LIMCH1: variants seen among roughly 807,000 people sequenced by gnomAD.
LIMCH1 encodes LIM and calponin homology domains 1.
A neutral mutation model predicts 176.5 loss-of-function variants in LIMCH1; 113 were observed. The observed-to-expected ratio is 0.64, with a 90% CI of 0.55 to 0.75. The LOEUF is 0.75. Among genes scored for constraint, LIMCH1 ranks in the 30% least tolerant of loss-of-function variants. The pLI is 0.00. For synonymous variants in LIMCH1, 619 were observed against 645.9 expected (o/e 0.96, Z 0.63); for missense variants, 1,674 against 1,814.9 (o/e 0.92, Z 1.41).
rs569611739 is a variant in LIMCH1 at position 41,392,648 on chromosome 4, T to G, written c.96+31712T>G. ...TACATTATGAGAGGCATGTGGGAAC[T>G]CCACCTGATTGAAGGGGCAGTCTTC... On this transcript the variant is annotated intron_variant, in intron 1 of 26. Transcript: ENST00000313860. Among the ~76,000 whole-genome samples, 15 of 152,318 alleles carry G rather than the reference T, an allele frequency of 9.8e-5. No individual in the cohort carries two copies. The South Asian group carries it at 1.5e-3, about 15-fold the overall frequency.
intron 1 of LIMCH1, among the ~76,000 whole-genome samples, chr4:41,587,611 C>T (rs184586948): frequency 3.5e-4 from 54 of 152,262 alleles, no homozygotes; most frequent in Admixed American, 3.5e-3. Flanking sequence ...AGTGGGTCAG[C>T]TGCATCCCCA....
intron 1 of LIMCH1, among the ~76,000 whole-genome samples, chr4:41,549,130 C>T (rs963063153): frequency 2.0e-5 from 3 of 151,972 alleles, no homozygotes; most frequent in Non-Finnish European, 4.4e-5. Context: ...ACTCCAGCAA[C>T]CATCCTGCCT....
rs2093403461 is a variant in LIMCH1, at chr4:41,632,948, A to G, written c.1721-29A>G. 3 of 1,531,794 alleles carry G rather than the reference A, an allele frequency of 2.0e-6. No individual in the cohort carries two copies. In the African/African-American group the frequency reaches 4.1e-5, roughly 21 times the overall value. 94.9% of individuals were successfully genotyped at this position (1,531,794 alleles called of 1,614,324 possible). A position where few individuals can be genotyped will look rare whatever the true frequency, so the allele number is the denominator to read the frequency against. On this transcript the variant is annotated intron_variant, in intron 11 of 31. Transcript: ENST00000503057. ...GAGCCTCTGGTGTGAATTCTTTCCT[A>G]GGAGTGAAACTGTCCTCTCTGGCTT...
intron 1 of LIMCH1, among the ~76,000 whole-genome samples, chr4:41,584,337 G>A (rs923534458): frequency 6.6e-6 from 1 of 152,164 alleles, no homozygotes; most frequent in African/African-American, 2.4e-5. Flanking sequence ...TAGATGATGA[G>A]CCACAACCAG....
At chr4:41,494,433 T>TTA (rs1583100634) in intron 1 of LIMCH1, 1 of 721,054 alleles carries the variant, frequency 1.4e-6, no homozygotes, top group Non-Finnish European at 2.4e-6. Flanking sequence ...ACATACATAG[T>TTA]TATATATATG....
At chr4:41,456,061 G>T (rs772222389) in intron 1 of LIMCH1, among the ~76,000 whole-genome samples, 1 of 152,026 alleles carries the variant, frequency 6.6e-6, no homozygotes, top group Non-Finnish European at 1.5e-5. Context: ...GTTTTTGCCT[G>T]CATGAGTTCT....
intron 1 of LIMCH1, among the ~76,000 whole-genome samples, chr4:41,377,390 C>G (rs927142113): frequency 1.3e-5 from 2 of 152,200 alleles, no homozygotes; most frequent in African/African-American, 4.8e-5. Flanking sequence ...ACTGCAAAAA[C>G]AAGTGATATG....
rs1731464639 is a variant in LIMCH1 at position 41,697,414 on chromosome 4, A to G, written c.*229A>G. 2.0e-6 allele frequency: 1 copy of G among 494,948 alleles called. No homozygotes were observed. 30.7% of individuals were successfully genotyped at this position (494,948 alleles called of 1,614,324 possible). On this transcript the variant is annotated 3_prime_UTR_variant, in exon 32 of 32. Coordinates refer to ENST00000503057, the MANE Select transcript of LIMCH1 (RefSeq NM_001330672.2). ...ATTTGCACAGTATACACAAAAGAAT[A>G]TGGGGTTGTAATGATCCTGAATAGC...
chr4:41,656,053 G>C (rs112377656), intron 18 of LIMCH1, among the ~76,000 whole-genome samples: 2,116 of 152,258 alleles, frequency 0.014, 33 homozygotes, highest in African/African-American at 0.036. Context: ...CCCTCATTGA[G>C]CAAGGGCCAA....
chr4:41,679,935 T>C, intron 23 of LIMCH1, 71 bp from the exon 24 acceptor site: 1 of 958,294 alleles, frequency 1.0e-6, no homozygotes, highest in Non-Finnish European at 1.6e-6. Context: ...TACATGGTGG[T>C]TTAGGGGGGA....
At chr4:41,541,934 C>T (rs185220335) in intron 1 of LIMCH1, among the ~76,000 whole-genome samples, 4 of 152,302 alleles carry the variant, frequency 2.6e-5, no homozygotes, top group Admixed American at 6.5e-5. Flanking sequence ...CTTGAAAAGT[C>T]GCTCTGGTTT....
intron 3 of LIMCH1, among the ~76,000 whole-genome samples, chr4:41,525,245 C>T (rs576780761): frequency 6.6e-5 from 10 of 152,244 alleles, no homozygotes; most frequent in South Asian, 2.1e-4. Flanking sequence ...TGCACACGCG[C>T]GCGCACACAC....
At chr4:41,510,099 T>A (rs2074688167) in intron 2 of LIMCH1, among the ~76,000 whole-genome samples, 1 of 152,200 alleles carries the variant, frequency 6.6e-6, no homozygotes, top group Non-Finnish European at 1.5e-5. Context: ...AGAAATGTGT[T>A]TGAAACTTAT....
At chr4:41,486,559 G>A (rs2069572535) in intron 1 of LIMCH1, among the ~76,000 whole-genome samples, 1 of 152,190 alleles carries the variant, frequency 6.6e-6, no homozygotes, top group South Asian at 2.1e-4. Context: ...ATGTTGCTGA[G>A]AGGGGTAGTT....
intron 1 of LIMCH1, among the ~76,000 whole-genome samples, chr4:41,403,538 G>A (rs1489331061): frequency 1.3e-5 from 2 of 152,228 alleles, no homozygotes; most frequent in African/African-American, 4.8e-5. Context: ...CTGAGATTGT[G>A]CCACTGCACT....
intron 1 of LIMCH1, among the ~76,000 whole-genome samples, chr4:41,558,019 G>A (rs374228443): frequency 5.3e-5 from 8 of 151,986 alleles, no homozygotes; most frequent in African/African-American, 1.7e-4. Flanking sequence ...GTGGCCACAC[G>A]TGTCAGCCTG....
chr4:41,548,767 A>T (rs1415074187), intron 1 of LIMCH1, among the ~76,000 whole-genome samples: 1 of 151,946 alleles, frequency 6.6e-6, no homozygotes, highest in African/African-American at 2.4e-5. Flanking sequence ...CTTTTTGGAG[A>T]AGAGTCGTGA....
rs930897344 is a variant in LIMCH1 at position 41,674,181 on chromosome 4, C to T, written c.3439-2201C>T. Among the ~76,000 whole-genome samples, 9 of 152,230 alleles carry T rather than the reference C, an allele frequency of 5.9e-5. No homozygotes were observed. In the South Asian group the frequency reaches 1.9e-3, roughly 32 times the overall value. ...ATATTCTGTATTTTCTGTGCTCAATCCCCCCACCCCACACTTCCTCCTCCT... is the reference window on the plus strand; with the variant it reads ...ATATTCTGTATTTTCTGTGCTCAATTCCCCCACCCCACACTTCCTCCTCCT... On this transcript the variant is annotated intron_variant, in intron 22 of 31. Coordinates refer to ENST00000503057, the MANE Select transcript of LIMCH1 (RefSeq NM_001330672.2).
intron 1 of LIMCH1, among the ~76,000 whole-genome samples, chr4:41,369,971 TA>T (rs1241754263): frequency 6.6e-6 from 1 of 151,734 alleles, no homozygotes; most frequent in Non-Finnish European, 1.5e-5. Context: ...TTGTAGTGAT[TA>T]AAAAAAGCAG....
Sources: gnomAD v4.1 joint callset for allele counts (sites outside exome capture counted in the v4.1 genomes callset) on GRCh38, gnomAD v4.1.1 for gene constraint, MANE v1.5 for transcripts, NCBI Gene and HGNC (gene_info 2026-07-23, HGNC 2026-07-21) for gene names.